The following ANKRD26 variants were observed in gnomAD, a reference collection of about 807,000 sequenced individuals.
ANKRD26 encodes ankyrin repeat domain-containing protein 26.
Under a neutral mutation model 208.7 loss-of-function variants are expected in ANKRD26, and 141 were observed. The ratio of observed to expected loss-of-function variants is 0.68; its 90% CI spans 0.59 to 0.78. The LOEUF (loss-of-function observed/expected upper bound fraction) is 0.78. Among genes scored for constraint, ANKRD26 ranks in the 30% least tolerant of loss-of-function variants. The pLI is 0.00. For synonymous variants in ANKRD26, 636 were observed against 660.4 expected (o/e 0.96, Z 0.57); for missense variants, 1,889 against 1,938.7 (o/e 0.97, Z 0.48).
Position 27,022,558 on chromosome 10 carries a change from C to T in ANKRD26, c.4215G>A (p.Lys1405=). The change falls in exon 29 of 34, where the codon AAG becomes AAA. Residue 1405 remains lysine (K), a splice_region_variant and synonymous_variant. Transcript: ENST00000376087. ...MDIQINKLKH[K]IDDLTAELET... ...GGTCCCAAAACTTATTAAAAATTACCTTATGTTTTAGCTTATTAATCTGAA... is the reference window on the plus strand; with the variant it reads ...GGTCCCAAAACTTATTAAAAATTACTTTATGTTTTAGCTTATTAATCTGAA... The T allele has an allele frequency of 6.6e-7, 1 of 1,517,792 alleles. No homozygotes were observed. Among genetic ancestry groups the T allele is most frequent in the Non-Finnish European group, 9.1e-7 (1 of 1,102,440 alleles). 94.0% of individuals were successfully genotyped at this position (1,517,792 alleles called of 1,614,324 possible).
At chr10:26,990,999 A>C (rs1214302390), downstream of ANKRD26, among the ~76,000 whole-genome samples, 2 of 152,220 alleles carry the variant, frequency 1.3e-5, no homozygotes, top group African/African-American at 2.4e-5. Context: ...GCCTGCGCAG[A>C]AGCAGACAAG....
At chr10:26,958,519 T>A in the ANKRD26 span, among the ~76,000 whole-genome samples, 1 of 152,216 alleles carries the variant, frequency 6.6e-6, no homozygotes, top group Non-Finnish European at 1.5e-5. Flanking sequence ...GGCATGTCCA[T>A]ATGTTCTCAG....
intron 9 of ANKRD26, among the ~76,000 whole-genome samples, chr10:27,074,789 TA>T (rs1287364621): frequency 6.6e-6 from 1 of 150,960 alleles, no homozygotes; most frequent in Non-Finnish European, 1.5e-5. Flanking sequence ...CAGACAAAAA[TA>T]AAAAGAATAA....
intron 3 of ANKRD26, among the ~76,000 whole-genome samples, chr10:26,986,010 G>A (rs867658014): frequency 9.9e-5 from 15 of 151,926 alleles, no homozygotes; most frequent in Admixed American, 7.2e-4. Flanking sequence ...GAGGCATCAC[G>A]CTACCTGACT....
the ANKRD26 span, among the ~76,000 whole-genome samples, chr10:26,959,876 A>G: frequency 6.6e-6 from 1 of 152,190 alleles, no homozygotes; most frequent in Non-Finnish European, 1.5e-5. Context: ...ATAACTTAGT[A>G]AAGACTTAAT....
Position 27,093,429 on chromosome 10 carries a change from G to GT in ANKRD26, c.450_451insA (p.His151ThrfsTer6), listed in dbSNP as rs1380126781. On this transcript the variant is annotated frameshift_variant, in exon 3 of 34. Coordinates refer to ENST00000376087, the MANE Select transcript of ANKRD26 (RefSeq NM_014915.3). LOFTEE classifies it high-confidence loss of function. ...ATGTCCTCATTATAGACAGCATAGTGAAGAGCAGTGTTGCCATGGACATCC... is the reference window on the plus strand; with the variant it reads ...ATGTCCTCATTATAGACAGCATAGTGTAAGAGCAGTGTTGCCATGGACATCC... The GT allele has an allele frequency of 6.2e-7, 1 of 1,614,050 alleles. No individual in the cohort carries two copies. The highest frequency in any genetic ancestry group is 1.3e-5 in the African/African-American group (1 of 74,942).
chr10:27,048,920 A>C lies in ANKRD26; in HGVS notation c.1695T>G (p.His565Gln). Residue 565 changes from histidine (H) to glutamine (Q), a missense_variant, in exon 17 of 34, where the codon CAT (histidine) becomes CAG (glutamine). This residue lies in a region of ANKRD26 where 1,272 missense variants were observed against 1,273.8 expected (regional missense o/e 1.00). Transcript: ENST00000376087. The stretch of plus-strand genomic sequence containing the variant: ...CTTCAGCATCATCAGTAGCACCATC[A>C]TGTATGTTTGCTGATACTTCCATTT... ...NNEMEVSANI[H>Q]DGATDDAEDD... 2 of 1,611,882 alleles carry C rather than the reference A, an allele frequency of 1.2e-6. No homozygotes were observed. Among genetic ancestry groups the C allele is most frequent in the Non-Finnish European group, 1.7e-6 (2 of 1,178,946 alleles).
At position 27,048,683 on chromosome 10, in the gene ANKRD26, GGTT is replaced by G. The variant is rs1432543896; in HGVS notation, c.1814+115_1814+117del. ...TTGCATTTTTCTAATTGCAAGGCAA[GGTT>G]GCATATCCCTTGCATAGTAAAAGTA... On this transcript the variant is annotated intron_variant, in intron 17 of 33. Transcript: ENST00000376087. The G allele has an allele frequency of 3.0e-6, 3 of 1,001,214 alleles. No individual in the cohort carries two copies. In the African/African-American group the frequency reaches 4.9e-5, roughly 16 times the overall value. 62.0% of individuals were successfully genotyped at this position (1,001,214 alleles called of 1,614,324 possible).
At chr10:27,095,791 G>C (rs987315363) in intron 1 of ANKRD26, among the ~76,000 whole-genome samples, 2 of 152,294 alleles carry the variant, frequency 1.3e-5, no homozygotes, top group Non-Finnish European at 1.5e-5. Flanking sequence ...TTTTGAAGAT[G>C]GAAAGGTCCT....
At chr10:27,031,807 T>C (rs989800590) in intron 25 of ANKRD26, among the ~76,000 whole-genome samples, 1 of 152,224 alleles carries the variant, frequency 6.6e-6, no homozygotes, top group Admixed American at 6.5e-5. Context: ...AATATTTCTA[T>C]GTTTTTATAA....
chr10:26,985,382 C>T (rs2052369184), intron 3 of ANKRD26, among the ~76,000 whole-genome samples: 1 of 152,150 alleles, frequency 6.6e-6, no homozygotes, highest in African/African-American at 2.4e-5. Flanking sequence ...TCTGACATCC[C>T]ATTGGAATAA....
intron 1 of ANKRD26, 47 bp downstream of exon 1, chr10:27,100,038 C>T: frequency 6.2e-7 from 1 of 1,611,022 alleles, no homozygotes; most frequent in Non-Finnish European, 8.5e-7. Flanking sequence ...CCTCTTCCTG[C>T]CCGCCTACTC....
intron 4 of ANKRD26, among the ~76,000 whole-genome samples, chr10:27,089,444 T>C (rs12413716): frequency 0.044 from 6,765 of 152,314 alleles, 263 homozygotes; most frequent in Admixed American, 0.12. Flanking sequence ...TGGAATGAAA[T>C]GAATGATATT....
intron 25 of ANKRD26, among the ~76,000 whole-genome samples, chr10:27,030,110 CT>C (rs1382438906): frequency 5.3e-5 from 8 of 152,118 alleles, no homozygotes; most frequent in Non-Finnish European, 7.4e-5. Flanking sequence ...ATTCTTTTTA[CT>C]GTATTTTATG....
chr10:26,963,904 T>TTTTTTTTTTTTG, the ANKRD26 span, among the ~76,000 whole-genome samples: 29 of 84,340 alleles, frequency 3.4e-4, no homozygotes, highest in African/African-American at 3.2e-3. Context: ...GGTTGGTTGG[T>TTTTTTTTTTTTG]TTTTTTTTTT....
At chr10:27,080,930 G>A (rs753063320) in intron 6 of ANKRD26, 14 of 985,324 alleles carry the variant, frequency 1.4e-5, no homozygotes, top group Non-Finnish European at 1.6e-5. Context: ...TCAGAGAATT[G>A]GGAAAGGAGG....
rs765632849 is a variant in ANKRD26 at position 27,093,314 on chromosome 10, C to T, written c.531+35G>A. ...TGTCACTGTTGAAACAAACGCATTT[C>T]AAATACTGTAAAAATAAAGTTGGTT... On this transcript the variant is annotated intron_variant, in intron 3 of 33. Coordinates refer to ENST00000376087, the MANE Select transcript of ANKRD26 (RefSeq NM_014915.3). 4 of 1,595,480 alleles carry T rather than the reference C, an allele frequency of 2.5e-6. No homozygotes were observed. The Admixed American group carries it at 5.2e-5, about 21-fold the overall frequency.
intron 29 of ANKRD26, among the ~76,000 whole-genome samples, chr10:27,018,466 C>T (rs951344233): frequency 2.0e-5 from 3 of 151,786 alleles, no homozygotes; most frequent in African/African-American, 4.8e-5. Flanking sequence ...AAGAAGTTTT[C>T]GGACATCCTA....
At chr10:26,984,925 C>T (rs373892030) in intron 3 of ANKRD26, among the ~76,000 whole-genome samples, 157 of 152,156 alleles carry the variant, frequency 1.0e-3, no homozygotes, top group African/African-American at 3.6e-3. Context: ...TGTTGAAGTA[C>T]GAGGAAAATT....
Sources: allele counts gnomAD v4.1 joint callset (sites outside exome capture counted in the v4.1 genomes callset), GRCh38; gene constraint gnomAD v4.1.1; regional missense constraint gnomAD v4.1.1; transcripts MANE v1.5; gene names NCBI Gene and HGNC (gene_info 2026-07-23, HGNC 2026-07-21).